The following ABCB9 variants were observed in gnomAD, a reference collection of about 807,000 sequenced individuals.
The protein encoded by ABCB9 is ATP binding cassette subfamily B member 9, also known as ABC-type oligopeptide transporter ABCB9.
Under a neutral mutation model 62.0 loss-of-function variants are expected in ABCB9, and 36 were observed. That is an observed-to-expected ratio of 0.58 (90% confidence interval 0.45 to 0.77). The LOEUF (loss-of-function observed/expected upper bound fraction) is 0.77. Ranked by LOEUF, ABCB9 falls within the 30% of genes least tolerant of loss-of-function variation. ABCB9 has a pLI of 0.00. For missense variants in ABCB9, 943 were observed against 1,054.7 expected (o/e 0.89, Z 1.47); for synonymous variants, 435 against 461.4 (o/e 0.94, Z 0.73).
chr12:122,965,554 G>A (rs1205127848), intron 1 of ABCB9, among the ~76,000 whole-genome samples: 1 of 152,192 alleles, frequency 6.6e-6, no homozygotes, highest in Non-Finnish European at 1.5e-5. Flanking sequence ...GACTTGAGAA[G>A]CTGTCTCAGG....
rs553109435 is a variant in ABCB9, at chr12:122,964,620, C to T, written c.-88+1667G>A. Among the ~76,000 whole-genome samples the T allele has an allele frequency of 2.6e-5, 4 of 152,372 alleles. No individual in the cohort carries two copies. The East Asian group carries it at 7.7e-4, about 29-fold the overall frequency. On this transcript the variant is annotated intron_variant, in intron 1 of 11. Transcript: ENST00000280560. This position sits in a 1 kb window ranked among gnomAD's most constrained non-coding sequence, Gnocchi z 4.7. ...GCAGAAGCGTGACCACCAGCCAAGG[C>T]TGCTTAGAGGCCTGTCACCGCTCTC...
At chr12:122,943,788 CTTTT>C (rs1484258484) in intron 7 of ABCB9, among the ~76,000 whole-genome samples, 4 of 151,250 alleles carry the variant, frequency 2.6e-5, no homozygotes, top group African/African-American at 4.9e-5. Flanking sequence ...CCCTTTCTTT[CTTTT>C]TGAGACACGG....
chr12:122,933,656 A>G (rs576803313), intron 10 of ABCB9, among the ~76,000 whole-genome samples: 6 of 152,062 alleles, frequency 3.9e-5, no homozygotes, highest in Non-Finnish European at 7.4e-5. Context: ...CTAAAATAAT[A>G]TATATTTATT....
At position 122,944,347 on chromosome 12, in the gene ABCB9, AC is replaced by A; in HGVS notation, c.1380+43del. On this transcript the variant is annotated intron_variant, in intron 7 of 11. Coordinates refer to ENST00000280560, the MANE Select transcript of ABCB9 (RefSeq NM_019625.4). This position sits in a 1 kb window ranked among gnomAD's most constrained non-coding sequence, Gnocchi z 4.9. ...CCCTGTTAAGATCCCTCTTCCCCAA[AC>A]TCCTCCCTTCTCTCTGGATCCCCGG... 1 of 1,574,192 alleles carries A rather than the reference AC, an allele frequency of 6.4e-7. No homozygotes were observed. The highest frequency in any genetic ancestry group is 8.7e-7 in the Non-Finnish European group (1 of 1,154,808).
Position 122,949,827 on chromosome 12 carries a change from C to T in ABCB9, c.808G>A (p.Val270Met), listed in dbSNP as rs1450743307. Residue 270 changes from valine (V) to methionine (M), a missense_variant, in exon 4 of 12, where the codon GTG (valine) becomes ATG (methionine). Physicochemically the swap from Val to Met is conservative, Grantham distance 21 (BLOSUM62 1). Coordinates refer to ENST00000280560, the MANE Select transcript of ABCB9 (RefSeq NM_019625.4). ...RLRNCLFRSL[V>M]SQETSFFDEN... is the part of the protein sequence containing the mutation. ...TCAAAGAAGCTTGTCTCCTGGGACACCAGTGAGCGGAAGAGACAGTTTCGA... is the reference window on the plus strand; with the variant it reads ...TCAAAGAAGCTTGTCTCCTGGGACATCAGTGAGCGGAAGAGACAGTTTCGA... 1 of 1,614,216 alleles carries T rather than the reference C, an allele frequency of 6.2e-7. No individual in the cohort carries two copies. The highest frequency in any genetic ancestry group is 1.7e-5 in the Admixed American group (1 of 60,032).
downstream of ABCB9, among the ~76,000 whole-genome samples, chr12:122,926,902 AAAACAAAC>A (rs1020413939): frequency 6.6e-6 from 1 of 152,152 alleles, no homozygotes. Context: ...CCTGTCTCTA[AAAACAAAC>A]AAACAAACAA....
At position 122,929,611 on chromosome 12, in the gene ABCB9, C is replaced by T; in HGVS notation, c.*300G>A. The T allele has an allele frequency of 8.4e-7, 1 of 1,194,588 alleles. No homozygotes were observed. Among genetic ancestry groups the T allele is most frequent in the Non-Finnish European group, 1.0e-6 (1 of 964,266 alleles). 74.0% of individuals were successfully genotyped at this position (1,194,588 alleles called of 1,614,324 possible). On this transcript the variant is annotated 3_prime_UTR_variant, in exon 12 of 12. Coordinates refer to ENST00000280560, the MANE Select transcript of ABCB9 (RefSeq NM_019625.4). This position sits in a 1 kb window ranked among gnomAD's most constrained non-coding sequence, Gnocchi z 6.0. ...TGAAATCTAGGAGTTGACTGGGGTGCCTCAAACCAAACAGTAAAAACCCTG... is the reference window on the plus strand; with the variant it reads ...TGAAATCTAGGAGTTGACTGGGGTGTCTCAAACCAAACAGTAAAAACCCTG...
In ABCB9 at chr12:122,929,345, C is replaced by T; in HGVS notation, c.*566G>A. 3 of 986,036 alleles carry T rather than the reference C, an allele frequency of 3.0e-6. No individual in the cohort carries two copies. Among genetic ancestry groups the T allele is most frequent in the Non-Finnish European group, 3.6e-6 (3 of 830,052 alleles). 61.1% of individuals were successfully genotyped at this position (986,036 alleles called of 1,614,324 possible). A position where few individuals can be genotyped will look rare whatever the true frequency, so the allele number is the denominator to read the frequency against. ...CGGGCGATGGCAGACAGATGCCCTC[C>T]ACGCTCCCTACCCGCCCTGGCCAGA... is the stretch of plus-strand genomic sequence containing the variant. On this transcript the variant is annotated 3_prime_UTR_variant, in exon 12 of 12. Coordinates refer to ENST00000280560, the MANE Select transcript of ABCB9 (RefSeq NM_019625.4). This position sits in a 1 kb window ranked among gnomAD's most constrained non-coding sequence, Gnocchi z 6.0.
At chr12:122,935,035 T>C (rs1012825425) in intron 10 of ABCB9, among the ~76,000 whole-genome samples, 10 of 152,158 alleles carry the variant, frequency 6.6e-5, no homozygotes, top group African/African-American at 1.9e-4. Flanking sequence ...AATAATTTAC[T>C]TAATAAATAT....
Position 122,960,074 on chromosome 12 carries a change from G to C in ABCB9, c.162C>G (p.Cys54Trp). The C allele has an allele frequency of 6.2e-7, 1 of 1,613,494 alleles. No individual in the cohort carries two copies. The highest frequency in any genetic ancestry group is 8.5e-7 in the Non-Finnish European group (1 of 1,180,052). Residue 54 changes from cysteine (C) to tryptophan (W), a missense_variant, in exon 2 of 12, where the codon TGC becomes TGG. Transcript: ENST00000280560. ...FDSVLDLWAA[C>W]LYRSCLLLGA... Reference sequence around the variant, plus strand: ...CCAGCAGCAGGCAGCTGCGGTACAGGCAGGCTGCCCAGAGATCCAGCACCG... The same window carrying C: ...CCAGCAGCAGGCAGCTGCGGTACAGCCAGGCTGCCCAGAGATCCAGCACCG...
chr12:122,923,789 G>T (rs1342023154), intron 11 of ABCB9, among the ~76,000 whole-genome samples: 1 of 152,094 alleles, frequency 6.6e-6, no homozygotes, highest in Non-Finnish European at 1.5e-5. Context: ...AGAAATTTAT[G>T]ACCCCAAAAG....
Position 122,935,403 on chromosome 12 carries a change from A to G in ABCB9, c.1772T>C (p.Leu591Pro). 2 of 1,613,938 alleles carry G rather than the reference A, an allele frequency of 1.2e-6. No individual in the cohort carries two copies. Among genetic ancestry groups the G allele is most frequent in the Non-Finnish European group, 1.7e-6 (2 of 1,179,956 alleles). Residue 591 changes from leucine (L) to proline (P), a missense_variant, in exon 10 of 12, where the codon CTG becomes CCG. Transcript: ENST00000280560. ...VISLVSQEPV[L>P]FARSITDNIS... The stretch of plus-strand genomic sequence containing the variant: ...GTTATCCGTGATGGAGCGGGCGAAC[A>G]GCACGGGCTCCTGGCTCACCAGGGA...
At chr12:122,946,578 G>A in intron 5 of ABCB9, 1 of 297,054 alleles carries the variant, frequency 3.4e-6, no homozygotes, top group Non-Finnish European at 6.5e-6. Flanking sequence ...CCCTGTGCTG[G>A]AAGAGCAGGG....
At chr12:122,962,992 AT>A (rs1483183092) in intron 1 of ABCB9, among the ~76,000 whole-genome samples, 1 of 152,150 alleles carries the variant, frequency 6.6e-6, no homozygotes, top group African/African-American at 2.4e-5. Context: ...ATAACATTCA[AT>A]ATAGAAAATG....
downstream of ABCB9, among the ~76,000 whole-genome samples, chr12:122,919,815 A>C (rs2034702678): frequency 6.6e-6 from 1 of 152,088 alleles, no homozygotes; most frequent in South Asian, 2.1e-4. Context: ...TAATAATGTG[A>C]GGCACTGTCA....
Position 122,932,154 on chromosome 12 carries a change from G to T in ABCB9, c.2040+38C>A. ...ATGGGGGCTCTGGCCACCTGGAGCCGCTCCTGCCCCCGCATTGCCCACCAC... is the reference window on the plus strand; with the variant it reads ...ATGGGGGCTCTGGCCACCTGGAGCCTCTCCTGCCCCCGCATTGCCCACCAC... On this transcript the variant is annotated intron_variant, in intron 11 of 11. Coordinates refer to ENST00000280560, the MANE Select transcript of ABCB9 (RefSeq NM_019625.4). This position sits in a 1 kb window ranked among gnomAD's most constrained non-coding sequence, Gnocchi z 4.7. 6.4e-7 allele frequency: 1 copy of T among 1,550,552 alleles called. No homozygotes were observed. Among genetic ancestry groups the T allele is most frequent in the Non-Finnish European group, 8.7e-7 (1 of 1,147,150 alleles).
chr12:122,940,422 A>G lies in ABCB9; in HGVS notation c.1570-138T>C, dbSNP rs2035696489. The G allele has an allele frequency of 1.5e-5, 15 of 1,012,372 alleles. No homozygotes were observed. In the Admixed American group the frequency reaches 3.6e-4, roughly 24 times the overall value. The allele number at this position is 1,012,372 out of a possible 1,614,324, so 62.7% of individuals were successfully genotyped here. On this transcript the variant is annotated intron_variant, in intron 8 of 11. Coordinates refer to ENST00000280560, the MANE Select transcript of ABCB9 (RefSeq NM_019625.4). This position sits in a 1 kb window ranked among gnomAD's most constrained non-coding sequence, Gnocchi z 4.8. ...CCTCGCTTGGGCACTGCTGGCCCCT[A>G]AACGTTCTTTCTAAGACACTAGGAC...
At position 122,940,997 on chromosome 12, in the gene ABCB9, T is replaced by C. The variant is rs1242883784; in HGVS notation, c.1381-2A>G. ...GCCACTGTAGACGGAGCCCACGGAC[T>C]GGGGAGAGGAGACACGCGTTCCTGT... is the stretch of plus-strand genomic sequence containing the variant. On this transcript the variant is annotated splice_acceptor_variant, in intron 7 of 11. Transcript: ENST00000280560. LOFTEE classifies it high-confidence loss of function. This position sits in a 1 kb window ranked among gnomAD's most constrained non-coding sequence, Gnocchi z 4.8. The C allele has an allele frequency of 6.3e-7, 1 of 1,590,718 alleles. No homozygotes were observed. Among genetic ancestry groups the C allele is most frequent in the South Asian group, 1.1e-5 (1 of 89,356 alleles).
intron 11 of ABCB9, chr12:122,931,183 C>A (rs1254213013): frequency 6.6e-6 from 1 of 152,180 alleles, no homozygotes; most frequent in Non-Finnish European, 1.5e-5. Context: ...TGCCACCATA[C>A]CTGGCGGACT....
Sources: allele counts gnomAD v4.1 joint callset (sites outside exome capture counted in the v4.1 genomes callset), GRCh38; gene constraint gnomAD v4.1.1; non-coding constraint Gnocchi (gnomAD v3.1); transcripts MANE v1.5; gene names NCBI Gene and HGNC (gene_info 2026-07-23, HGNC 2026-07-21).